DCAF6: variants seen among roughly 807,000 people sequenced by gnomAD.
The protein encoded by DCAF6 is DDB1 and CUL4 associated factor 6.
Under a neutral mutation model 125.1 loss-of-function variants are expected in DCAF6, and 54 were observed. The ratio of observed to expected loss-of-function variants is 0.43; its 90% CI spans 0.35 to 0.54. The LOEUF is 0.54. DCAF6 is among the 20% of genes least tolerant of loss of function. The pLI is 0.01. For missense variants in DCAF6, 934 were observed against 1,161.7 expected (o/e 0.80, Z 2.85); for synonymous variants, 371 against 390.4 (o/e 0.95, Z 0.58).
At chr1:167,872,747 A>G in the DCAF6 span, among the ~76,000 whole-genome samples, 1 of 149,350 alleles carries the variant, frequency 6.7e-6, no homozygotes, top group South Asian at 2.2e-4. Flanking sequence ...TGGTGGAATC[A>G]GTGCAAAAGG....
At chr1:167,913,343 T>A in the DCAF6 span, among the ~76,000 whole-genome samples, 1 of 152,190 alleles carries the variant, frequency 6.6e-6, no homozygotes, top group African/African-American at 2.4e-5. Flanking sequence ...CCTCTAGAAT[T>A]TCCTAATAGA....
At position 167,995,862 on chromosome 1, in the gene DCAF6, A is replaced by G. The variant is rs536363384; in HGVS notation, c.903+2422A>G. Reference sequence around the variant, plus strand: ...TTTATTGGGTGCCTACTATACACCAAGTCCTCTACTTAACTTTGGAAAATG... The same window carrying G: ...TTTATTGGGTGCCTACTATACACCAGGTCCTCTACTTAACTTTGGAAAATG... On this transcript the variant is annotated intron_variant, in intron 7 of 21. Coordinates refer to ENST00000367840, the MANE Select transcript of DCAF6 (RefSeq NM_001198956.2). Among the ~76,000 whole-genome samples the G allele has an allele frequency of 2.2e-4, 34 of 152,326 alleles. No homozygotes were observed. In the South Asian group the frequency reaches 4.8e-3, roughly 21 times the overall value.
chr1:167,909,537 A>C, the DCAF6 span, among the ~76,000 whole-genome samples: 1 of 150,406 alleles, frequency 6.6e-6, no homozygotes, highest in East Asian at 1.9e-4. Context: ...TTCTTAAAAC[A>C]TTATGAGATT....
chr1:167,967,153 C>T (rs903082154), intron 3 of DCAF6, among the ~76,000 whole-genome samples: 3 of 151,972 alleles, frequency 2.0e-5, no homozygotes, highest in Non-Finnish European at 4.4e-5. Context: ...GTCATTGTTT[C>T]GTTTTCTTAA....
At chr1:167,885,029 T>G in the DCAF6 span, among the ~76,000 whole-genome samples, 1 of 152,322 alleles carries the variant, frequency 6.6e-6, no homozygotes, top group East Asian at 1.9e-4. Context: ...CACAAATAAG[T>G]GAGAACATGT....
At chr1:167,870,518 C>T in the DCAF6 span, 14 of 988,202 alleles carry the variant, frequency 1.4e-5, no homozygotes, top group Admixed American at 2.1e-5. Context: ...TTGGGCCAGG[C>T]GCTGTGGCTC....
chr1:168,031,835 C>A (rs1285475470), intron 12 of DCAF6, among the ~76,000 whole-genome samples: 1 of 152,248 alleles, frequency 6.6e-6, no homozygotes, highest in East Asian at 1.9e-4. Flanking sequence ...ACTGTCCTCC[C>A]TCTAGACTGA....
chr1:167,924,519 A>G, the DCAF6 span: 1 of 1,586,832 alleles, frequency 6.3e-7, no homozygotes, highest in East Asian at 2.3e-5. Context: ...TGGAGCCCAG[A>G]AGAAAACTGT....
chr1:167,939,749 G>A (rs1671939949), intron 1 of DCAF6, among the ~76,000 whole-genome samples: 1 of 144,996 alleles, frequency 6.9e-6, no homozygotes, highest in Non-Finnish European at 1.5e-5. Context: ...GGCGACAGAG[G>A]GAAACTCTGC....
At chr1:167,919,945 G>A in the DCAF6 span, 37 of 1,499,990 alleles carry the variant, frequency 2.5e-5, no homozygotes, top group African/African-American at 2.3e-4. Flanking sequence ...AGTAGCTTTT[G>A]CAACAGTTTT....
At chr1:167,920,635 C>T in the DCAF6 span, 1 of 1,609,602 alleles carries the variant, frequency 6.2e-7, no homozygotes, top group Non-Finnish European at 8.5e-7. Flanking sequence ...CCAACCCCTA[C>T]ACATTAACGC....
rs557572635 is a variant in DCAF6 at position 167,951,537 on chromosome 1, T to G, written c.98-263T>G. 4.7e-4 allele frequency among the ~76,000 whole-genome samples: 71 copies of G among 152,182 alleles called. 1 individual carries two copies. Among genetic ancestry groups the G allele is most frequent in the Non-Finnish European group, 8.5e-4 (58 of 68,026 alleles). ...TTGCAGTGAGCTGAGATCATGCCAC[T>G]GCACTCCAGCCTGGGCAACAGAGTG... On this transcript the variant is annotated intron_variant, in intron 1 of 21. Coordinates refer to ENST00000367840, the MANE Select transcript of DCAF6 (RefSeq NM_001198956.2).
the DCAF6 span, chr1:167,883,736 A>G: frequency 2.0e-6 from 2 of 979,898 alleles, no homozygotes; most frequent in Admixed American, 1.9e-5. Context: ...CTACCTCAGA[A>G]TGGGTGAGGT....
intron 4 of DCAF6, among the ~76,000 whole-genome samples, chr1:167,983,544 T>C (rs116733878): frequency 0.015 from 2,302 of 152,290 alleles, 55 homozygotes; most frequent in African/African-American, 0.051. Context: ...GCCTTGGAAA[T>C]TTACAACTCT....
chr1:167,967,325 G>T (rs1676569288), intron 3 of DCAF6, among the ~76,000 whole-genome samples: 1 of 152,094 alleles, frequency 6.6e-6, no homozygotes, highest in Non-Finnish European at 1.5e-5. Context: ...CTCACTAGAA[G>T]GCAAGAGATA....
the DCAF6 span, among the ~76,000 whole-genome samples, chr1:167,883,192 C>T: frequency 1.4e-4 from 21 of 152,328 alleles, no homozygotes; most frequent in Admixed American, 9.1e-4. Flanking sequence ...CACGTGCCAC[C>T]GCACCCAGCT....
chr1:167,893,719 A>AT, the DCAF6 span: 1 of 478,146 alleles, frequency 2.1e-6, no homozygotes, highest in Non-Finnish European at 3.9e-6. Flanking sequence ...AAAAAAAAAA[A>AT]GGAAGTCTTT....
chr1:168,056,427 G>A, intron 17 of DCAF6: 5 of 1,302,074 alleles, frequency 3.8e-6, no homozygotes, highest in South Asian at 1.4e-5. Context: ...CGCCATGTTC[G>A]CAGGGGTGCG....
At chr1:167,879,343 T>A in the DCAF6 span, among the ~76,000 whole-genome samples, 1 of 152,234 alleles carries the variant, frequency 6.6e-6, no homozygotes, top group Non-Finnish European at 1.5e-5. Flanking sequence ...CTTGTAAGCC[T>A]TCAATTAATA....
Sources: gnomAD v4.1 joint callset for allele counts (sites outside exome capture counted in the v4.1 genomes callset) on GRCh38, gnomAD v4.1.1 for gene constraint, MANE v1.5 for transcripts, NCBI Gene and HGNC (gene_info 2026-07-23, HGNC 2026-07-21) for gene names.